Variants in POLQ observed in about 807,000 individuals in gnomAD.
The protein encoded by POLQ is epididymis secretory sperm binding protein.
A neutral mutation model predicts 259.2 loss-of-function variants in POLQ; 233 were observed. The ratio of observed to expected loss-of-function variants is 0.90; its 90% CI spans 0.81 to 1.00. The LOEUF is 1.00. POLQ is among the 50% of genes least tolerant of loss of function. The pLI is 0.00. For synonymous variants in POLQ, 1,025 were observed against 1,048.8 expected (o/e 0.98, Z 0.44); for missense variants, 2,871 against 3,051.6 (o/e 0.94, Z 1.39).
intron 28 of POLQ, among the ~76,000 whole-genome samples, chr3:121,433,767 G>A (rs955353754): frequency 1.3e-5 from 2 of 152,112 alleles, no homozygotes; most frequent in Non-Finnish European, 2.9e-5. Flanking sequence ...ACCTTTACTG[G>A]AACTGCCTTT....
At chr3:121,461,947 G>C (rs2047795592) in intron 24 of POLQ, among the ~76,000 whole-genome samples, 1 of 152,034 alleles carries the variant, frequency 6.6e-6, no homozygotes, top group African/African-American at 2.4e-5. Context: ...CAAAAACAGA[G>C]ATAAATACTA....
intron 14 of POLQ, chr3:121,494,594 C>T (rs1323787250): frequency 9.7e-6 from 15 of 1,552,016 alleles, no homozygotes; most frequent in Non-Finnish European, 1.3e-5. Context: ...CAACGCGGAT[C>T]CCATCAAGCT....
chr3:121,521,824 G>T, intron 8 of POLQ, 179 bp downstream of exon 8: 1 of 370,320 alleles, frequency 2.7e-6, no homozygotes, highest in Non-Finnish European at 4.7e-6. Context: ...ACTTGCTTCG[G>T]CCTCCCAAAG....
chr3:121,516,851 A>C (rs2048301378), intron 9 of POLQ, among the ~76,000 whole-genome samples: 2 of 152,248 alleles, frequency 1.3e-5, no homozygotes, highest in East Asian at 3.8e-4. Flanking sequence ...GCTTGAAGTT[A>C]TGAGCAAGTC....
intron 12 of POLQ, among the ~76,000 whole-genome samples, chr3:121,501,626 CACT>C (rs2048169188): frequency 8.2e-6 from 1 of 122,604 alleles, no homozygotes; most frequent in Non-Finnish European, 1.6e-5. Context: ...CCCGCCACTG[CACT>C]CCAGCCTGGG....
chr3:121,482,939 T>G (rs550931099), intron 18 of POLQ, among the ~76,000 whole-genome samples: 1 of 152,214 alleles, frequency 6.6e-6, no homozygotes. Flanking sequence ...CAGGAGCCAG[T>G]AAGGGGATTT....
intron 12 of POLQ, among the ~76,000 whole-genome samples, chr3:121,499,184 T>G: frequency 6.6e-6 from 1 of 151,986 alleles, no homozygotes; most frequent in East Asian, 1.9e-4. Context: ...TATGGAAACA[T>G]CATTTATTCA....
At chr3:121,441,878 T>C (rs151293023) in intron 26 of POLQ, among the ~76,000 whole-genome samples, 1 of 152,358 alleles carries the variant, frequency 6.6e-6, no homozygotes, top group East Asian at 1.9e-4. Flanking sequence ...GTTTTTAATA[T>C]TGGCCATTCT....
intron 12 of POLQ, among the ~76,000 whole-genome samples, chr3:121,505,732 G>C (rs573563978): frequency 6.6e-6 from 1 of 152,006 alleles, no homozygotes; most frequent in East Asian, 1.9e-4. Context: ...GGGCAGGCCA[G>C]GCACAGTGGC....
rs1179933647 is a variant in POLQ, at chr3:121,481,600, GTT to G, written c.6181_6182del (p.Asn2061LeufsTer14). The stretch of plus-strand genomic sequence containing the variant: ...GAAGGTTTTCCTTCTGCAACAAAGA[GTT>G]GAGCTGATTCATAGAGTTGAAGATG... ...ILIFNSMNQLNSLLQKENLQD... is the reference protein window; with the variant it reads ...ILIFNSMNQLXSLLQKENLQD... On this transcript the variant is annotated frameshift_variant, in exon 19 of 30. Transcript: ENST00000264233. LOFTEE classifies it high-confidence loss of function. 6.2e-7 allele frequency: 1 copy of G among 1,609,542 alleles called. No individual in the cohort carries two copies. The highest frequency in any genetic ancestry group is 8.5e-7 in the Non-Finnish European group (1 of 1,177,760).
chr3:121,535,579 G>A (rs1041504441), intron 5 of POLQ, among the ~76,000 whole-genome samples: 2 of 152,056 alleles, frequency 1.3e-5, no homozygotes, highest in Admixed American at 1.3e-4. Flanking sequence ...AGCTGGGTGT[G>A]GTGGCAGGCG....
chr3:121,494,973 A>AC, intron 14 of POLQ: 2 of 852,360 alleles, frequency 2.3e-6, no homozygotes, highest in Non-Finnish European at 3.6e-6. Context: ...CAAAAAAAAA[A>AC]AAAAAGCATG....
chr3:121,524,210 A>G (rs2048356998), intron 7 of POLQ, among the ~76,000 whole-genome samples: 1 of 152,210 alleles, frequency 6.6e-6, no homozygotes. Context: ...GAAATAAGCT[A>G]ACCCGGTGTA....
Position 121,529,651 on chromosome 3 carries a change from C to T in POLQ, c.1102G>A (p.Ala368Thr), listed in dbSNP as rs761837465. 1.1e-5 allele frequency: 18 copies of T among 1,613,252 alleles called. 1 individual carries two copies. The South Asian group carries it at 1.4e-4, about 13-fold the overall frequency. Reference protein sequence around the residue: ...AREFYNLHHQAEGLVKPSECP... With the variant: ...AREFYNLHHQTEGLVKPSECP... ...CTTTCCATCCATAACTCACCCTCAG[C>T]TTGATGATGTAGATTATAAAACTCT... Residue 368 changes from alanine to threonine, a missense_variant, in exon 7 of 30, where the codon GCT becomes ACT. Ala to Thr is a moderately conservative substitution (Grantham distance 58, BLOSUM62 0). This residue lies in a region of POLQ where 783 missense variants were observed against 906.2 expected (regional missense o/e 0.86). Transcript: ENST00000264233.
At chr3:121,544,465 T>C (rs905356191) in intron 2 of POLQ, among the ~76,000 whole-genome samples, 4 of 152,212 alleles carry the variant, frequency 2.6e-5, no homozygotes, top group Non-Finnish European at 4.4e-5. Flanking sequence ...CACTGGGATA[T>C]ATGTTTGTTG....
In POLQ at chr3:121,483,595, A is replaced by C; in HGVS notation, c.5774-13T>G. On this transcript the variant is annotated splice_polypyrimidine_tract_variant and intron_variant, in intron 17 of 29. Transcript: ENST00000264233. ...CTGGCACTAATTTCTTTAAAAAAAA[A>C]AAAAAAAAGGAAAAAACATTTTTAA... 6.5e-7 allele frequency: 1 copy of C among 1,530,636 alleles called. No homozygotes were observed. Among genetic ancestry groups the C allele is most frequent in the South Asian group, 1.3e-5 (1 of 77,046 alleles). The allele number at this position is 1,530,636 out of a possible 1,614,324, so 94.8% of individuals were successfully genotyped here.
In POLQ at chr3:121,545,759, C is replaced by T; in HGVS notation, c.119G>A (p.Ser40Asn). The change falls in exon 1 of 30, where the codon AGC becomes AAC. Residue 40 changes from serine to asparagine, a missense_variant. Physicochemically the swap from Ser to Asn is conservative, Grantham distance 46. Around this residue, in one of 3 missense-constraint regions of POLQ, gnomAD observed 783 missense variants for 906.2 expected, o/e 0.86. Coordinates refer to ENST00000264233, the MANE Select transcript of POLQ (RefSeq NM_199420.4). ...SPQFLSGSVL[S>N]PPPGLGRCLK... ...GCAGCGACCAAGGCCGGGCGGCGGGCTCAGCACGGACCCGGAGAGGAACTG... is the reference window on the plus strand; with the variant it reads ...GCAGCGACCAAGGCCGGGCGGCGGGTTCAGCACGGACCCGGAGAGGAACTG... The T allele has an allele frequency of 6.2e-7, 1 of 1,601,330 alleles. No homozygotes were observed. The highest frequency in any genetic ancestry group is 1.7e-5 in the Admixed American group (1 of 58,510).
intron 7 of POLQ, among the ~76,000 whole-genome samples, chr3:121,523,640 A>G (rs1207798353): frequency 6.6e-6 from 1 of 152,140 alleles, no homozygotes; most frequent in Non-Finnish European, 1.5e-5. Flanking sequence ...ACTTGAGCCC[A>G]TGAGGTAGAG....
intron 10 of POLQ, among the ~76,000 whole-genome samples, chr3:121,510,521 G>A (rs1008947888): frequency 6.6e-6 from 1 of 151,884 alleles, no homozygotes; most frequent in African/African-American, 2.4e-5. Flanking sequence ...AGCTTGCGGT[G>A]AGCCAAGATC....
Sources: gnomAD v4.1 joint callset for allele counts (sites outside exome capture counted in the v4.1 genomes callset) on GRCh38, gnomAD v4.1.1 for gene constraint, gnomAD v4.1.1 regional missense constraint, MANE v1.5 for transcripts, NCBI Gene and HGNC (gene_info 2026-07-23, HGNC 2026-07-21) for gene names.